SHISA9: variants seen among roughly 807,000 people sequenced by gnomAD.
SHISA9 encodes protein shisa-9.
Under a neutral mutation model 38.0 loss-of-function variants are expected in SHISA9, and 13 were observed. The observed-to-expected ratio is 0.34, with a 90% CI of 0.22 to 0.54. The LOEUF is 0.54. SHISA9 is among the 20% of genes least tolerant of loss of function. The pLI is 0.91. For synonymous variants in SHISA9, 275 were observed against 242.0 expected (o/e 1.14, Z -1.27); for missense variants, 538 against 575.8 (o/e 0.93, Z 0.67).
the SHISA9 span, among the ~76,000 whole-genome samples, chr16:13,527,152 T>C: frequency 6.0e-4 from 91 of 152,316 alleles, no homozygotes; most frequent in African/African-American, 2.1e-3. Context: ...CAACAAACAC[T>C]GTTCTAAGGG....
intron 2 of SHISA9, among the ~76,000 whole-genome samples, chr16:13,019,933 TTCTTTCTTTCTTTCTTTCTTTC>T (rs2072823878): frequency 3.2e-5 from 3 of 95,010 alleles, no homozygotes; most frequent in Admixed American, 1.1e-4. Flanking sequence ...CTTTCTTTCT[TTCTTTCTTTCTTTCTTTCTTTC>T]TTTCCCTCCT....
chr16:13,360,081 C>G, the SHISA9 span, among the ~76,000 whole-genome samples: 1 of 152,226 alleles, frequency 6.6e-6, no homozygotes, highest in Non-Finnish European at 1.5e-5. Context: ...GTTCTGGGGA[C>G]TGGAACAGAG....
the SHISA9 span, among the ~76,000 whole-genome samples, chr16:13,530,854 T>C: frequency 1.8e-4 from 28 of 152,366 alleles, no homozygotes; most frequent in South Asian, 5.8e-3. Context: ...AATGGTCATG[T>C]GACACAACTT....
the SHISA9 span, among the ~76,000 whole-genome samples, chr16:13,520,532 G>A: frequency 1.3e-5 from 2 of 150,762 alleles, no homozygotes; most frequent in Non-Finnish European, 2.9e-5. Context: ...GAACCCGGGA[G>A]GTGGGGGTTG....
chr16:13,074,031 G>A (rs528141109), intron 2 of SHISA9, among the ~76,000 whole-genome samples: 66 of 149,872 alleles, frequency 4.4e-4, no homozygotes, highest in African/African-American at 1.5e-3. Flanking sequence ...ATGCAGTGGC[G>A]TGATCTTGGC....
the SHISA9 span, among the ~76,000 whole-genome samples, chr16:13,435,738 C>A: frequency 6.6e-6 from 1 of 152,214 alleles, no homozygotes; most frequent in African/African-American, 2.4e-5. Context: ...ATTTGATTCA[C>A]AAGGCTGCTG....
the SHISA9 span, among the ~76,000 whole-genome samples, chr16:13,383,315 A>G: frequency 6.6e-6 from 1 of 152,366 alleles, no homozygotes; most frequent in Middle Eastern, 3.4e-3. Context: ...GGCTCAAGGC[A>G]GGAGTGTGTG....
rs1197967749 is a variant in SHISA9, at chr16:13,238,840, T to C, written c.*3431T>C. 1.4e-5 allele frequency: 2 copies of C among 146,796 alleles called. No homozygotes were observed. The highest frequency in any genetic ancestry group is 4.9e-5 in the African/African-American group (2 of 40,522). The allele number at this position is 146,796 out of a possible 1,614,324, so 9.1% of individuals were successfully genotyped here. On this transcript the variant is annotated 3_prime_UTR_variant, in exon 5 of 5. Transcript: ENST00000558583. Reference sequence around the variant, plus strand: ...TTTATTATTATTATTATTATTATTATTATTATTATTATACTTTAAGTTTTA... The same window carrying C: ...TTTATTATTATTATTATTATTATTACTATTATTATTATACTTTAAGTTTTA...
the SHISA9 span, chr16:13,474,470 TACAGTAAGA>T: frequency 6.6e-6 from 1 of 152,226 alleles, no homozygotes; most frequent in Admixed American, 6.5e-5. Flanking sequence ...TCTTCAAAAC[TACAGTAAGA>T]TGCAGGGATT....
chr16:12,910,368 C>T, intron 1 of SHISA9: 6 of 596,638 alleles, frequency 1.0e-5, no homozygotes, highest in Non-Finnish European at 1.3e-5. Context: ...ATGCCCAACA[C>T]TGTGCTGAGA....
At chr16:12,971,193 AG>A (rs2072077352) in intron 2 of SHISA9, among the ~76,000 whole-genome samples, 1 of 152,344 alleles carries the variant, frequency 6.6e-6, no homozygotes, top group East Asian at 1.9e-4. Flanking sequence ...AATATTTAAA[AG>A]GTGACACCTG....
chr16:12,986,300 T>C (rs1194134685), intron 2 of SHISA9, among the ~76,000 whole-genome samples: 1 of 152,202 alleles, frequency 6.6e-6, no homozygotes, highest in African/African-American at 2.4e-5. Context: ...CCTCTTTCCT[T>C]CCTTCCCTTC....
At chr16:13,417,786 G>A in the SHISA9 span, among the ~76,000 whole-genome samples, 2 of 152,224 alleles carry the variant, frequency 1.3e-5, no homozygotes, top group African/African-American at 4.8e-5. Context: ...TCCCTAAGTG[G>A]AGACAATGGG....
the SHISA9 span, among the ~76,000 whole-genome samples, chr16:13,379,007 G>C: frequency 2.6e-5 from 4 of 152,200 alleles, no homozygotes; most frequent in Non-Finnish European, 5.9e-5. Flanking sequence ...TGAGCTTTAA[G>C]TTTCACCACT....
At chr16:13,021,417 C>G (rs2072852372) in intron 2 of SHISA9, among the ~76,000 whole-genome samples, 1 of 152,148 alleles carries the variant, frequency 6.6e-6, no homozygotes, top group South Asian at 2.1e-4. Flanking sequence ...GCATTTACCA[C>G]ATAGAGATGG....
chr16:12,967,882 G>A (rs566054566), intron 2 of SHISA9, among the ~76,000 whole-genome samples: 31 of 152,126 alleles, frequency 2.0e-4, no homozygotes, highest in South Asian at 1.5e-3. Flanking sequence ...GAATTACCAG[G>A]AGATCTTTAA....
chr16:13,454,721 G>A, the SHISA9 span, among the ~76,000 whole-genome samples: 1 of 152,158 alleles, frequency 6.6e-6, no homozygotes, highest in African/African-American at 2.4e-5. Context: ...GGCTTTGGAC[G>A]TGGATCAATA....
At chr16:12,953,649 C>T (rs888285340) in intron 2 of SHISA9, among the ~76,000 whole-genome samples, 1 of 152,118 alleles carries the variant, frequency 6.6e-6, no homozygotes, top group African/African-American at 2.4e-5. Flanking sequence ...CTCAGGCTTG[C>T]TGAGAAATAT....
chr16:12,990,516 A>C lies in SHISA9; in HGVS notation c.691+73701A>C, dbSNP rs189589514. Among the ~76,000 whole-genome samples the C allele has an allele frequency of 3.5e-4, 53 of 152,322 alleles. 1 individual carries two copies. In the East Asian group the frequency reaches 6.0e-3, roughly 17 times the overall value. On this transcript the variant is annotated intron_variant, in intron 2 of 4. Transcript: ENST00000558583. ...TCTCACTGTGGTTTTGATTCACATC[A>C]TGAATTATTTAACCATTTTATTATA...
Sources: gnomAD v4.1 joint callset for allele counts (sites outside exome capture counted in the v4.1 genomes callset) on GRCh38, gnomAD v4.1.1 for gene constraint, MANE v1.5 for transcripts, NCBI Gene and HGNC (gene_info 2026-07-23, HGNC 2026-07-21) for gene names.